Variants in NRG2 observed in about 807,000 individuals in gnomAD.
NRG2 encodes the protein pro-neuregulin-2, membrane-bound isoform.
Under a neutral mutation model 73.9 loss-of-function variants are expected in NRG2, and 27 were observed. That is an observed-to-expected ratio of 0.37 (90% CI 0.27 to 0.50). The LOEUF (loss-of-function observed/expected upper bound fraction) is 0.50. NRG2 is among the 20% of genes least tolerant of loss of function. The pLI, the probability that NRG2 is intolerant of heterozygous loss-of-function variation, is 0.96. For synonymous variants in NRG2, 532 were observed against 541.0 expected (o/e 0.98, Z 0.23); for missense variants, 1,126 against 1,210.1 (o/e 0.93, Z 1.03).
At chr5:139,862,790 G>A (rs981153033) in intron 5 of NRG2, among the ~76,000 whole-genome samples, 9 of 152,262 alleles carry the variant, frequency 5.9e-5, no homozygotes, top group Admixed American at 2.0e-4. Context: ...TTGTGCTTGT[G>A]TGTACAAGTA....
rs1164805368 is a variant in NRG2, at chr5:139,938,905, A to AAAAGAAAGAAAGAAAG, written c.701-51410_701-51395dup. ...GAAGGAAAGAAAGAAAGAAAGAAAG[A>AAAAGAAAGAAAGAAAG]AAAGAAAGAAAGAAAGAAAGAAAGA... On this transcript the variant is annotated intron_variant, in intron 1 of 9. Transcript: ENST00000361474. Among the ~76,000 whole-genome samples, 227 of 75,560 alleles carry AAAAGAAAGAAAGAAAG rather than the reference A, an allele frequency of 3.0e-3. 3 individuals are homozygous for AAAAGAAAGAAAGAAAG. The highest frequency in any genetic ancestry group is 0.02 in the East Asian group (53 of 2,676). 49.6% of individuals were successfully genotyped at this position (75,560 alleles called of 152,430 possible).
intron 1 of NRG2, among the ~76,000 whole-genome samples, chr5:140,032,245 T>A (rs142492123): frequency 2.6e-5 from 4 of 152,252 alleles, no homozygotes; most frequent in African/African-American, 9.6e-5. Flanking sequence ...AAAGCTCAGG[T>A]GGCAAGTGAA....
At chr5:139,929,759 C>A (rs1437012805) in intron 1 of NRG2, among the ~76,000 whole-genome samples, 1 of 152,178 alleles carries the variant, frequency 6.6e-6, no homozygotes, top group Non-Finnish European at 1.5e-5. Flanking sequence ...CTCGGCAGGC[C>A]CTCCAACAGT....
chr5:140,004,894 T>C (rs1412986046), intron 1 of NRG2, among the ~76,000 whole-genome samples: 1 of 152,210 alleles, frequency 6.6e-6, no homozygotes, highest in Non-Finnish European at 1.5e-5. Context: ...TTAGGGAAAT[T>C]GGGTGAGGTT....
rs1160622076 is a variant in NRG2 at position 139,904,825 on chromosome 5, G to A, written c.701-17314C>T. On this transcript the variant is annotated intron_variant, in intron 1 of 9. Coordinates refer to ENST00000361474, the MANE Select transcript of NRG2 (RefSeq NM_004883.3). This position sits in a 1 kb window ranked among gnomAD's most constrained non-coding sequence, Gnocchi z 6.0. ...GACAGCGAGGAAAGGGCCCAGGAAGGGACCAAAATGAAGCCCGCTAGCCAG... is the reference window on the plus strand; with the variant it reads ...GACAGCGAGGAAAGGGCCCAGGAAGAGACCAAAATGAAGCCCGCTAGCCAG... Among the ~76,000 whole-genome samples, 2 of 152,176 alleles carry A rather than the reference G, an allele frequency of 1.3e-5. No individual in the cohort carries two copies. The highest frequency in any genetic ancestry group is 4.8e-5 in the African/African-American group (2 of 41,456).
At chr5:139,947,548 A>C (rs967527140) in intron 1 of NRG2, among the ~76,000 whole-genome samples, 1 of 152,184 alleles carries the variant, frequency 6.6e-6, no homozygotes, top group East Asian at 1.9e-4. Context: ...ACATTTGTGT[A>C]CAAGTTTTTG....
Position 140,043,156 on chromosome 5 carries a change from G to GT in NRG2, c.-88dup, listed in dbSNP as rs1241366474. 2 of 1,470,414 alleles carry GT rather than the reference G, an allele frequency of 1.4e-6. No individual in the cohort carries two copies. The highest frequency in any genetic ancestry group is 4.9e-5 in the East Asian group (2 of 41,158). The allele number at this position is 1,470,414 out of a possible 1,614,324, so 91.1% of individuals were successfully genotyped here. ...AGCCCGCTGGAAAACCGGAAACAGC[G>GT]TAACGTTAGCGCCTCTTAGCCCTCC... On this transcript the variant is annotated 5_prime_UTR_variant, in exon 1 of 10. Transcript: ENST00000361474. The surrounding 1 kb of genome is among the most constrained non-coding windows in gnomAD (Gnocchi z 6.7).
chr5:139,896,855 C>T (rs558759671), intron 1 of NRG2, among the ~76,000 whole-genome samples: 4 of 152,300 alleles, frequency 2.6e-5, no homozygotes, highest in South Asian at 2.1e-4. Flanking sequence ...ATGTGCCTCA[C>T]GGCCATTCAG....
intron 1 of NRG2, among the ~76,000 whole-genome samples, chr5:139,966,961 G>A (rs547724589): frequency 6.6e-6 from 1 of 152,278 alleles, no homozygotes; most frequent in East Asian, 1.9e-4. Flanking sequence ...GAGGAAACAG[G>A]GGTCATGCAG....
chr5:139,904,357 T>G lies in NRG2; in HGVS notation c.701-16846A>C, dbSNP rs926183271. 1 of 1,589,674 alleles carries G rather than the reference T, an allele frequency of 6.3e-7. No individual in the cohort carries two copies. The highest frequency in any genetic ancestry group is 8.5e-7 in the Non-Finnish European group (1 of 1,176,408). On this transcript the variant is annotated intron_variant, in intron 1 of 9. Transcript: ENST00000361474. This position sits in a 1 kb window ranked among gnomAD's most constrained non-coding sequence, Gnocchi z 6.0. Reference sequence around the variant, plus strand: ...CTCCCGCTTCCTCCCCTCTGGGTGCTTCTTGCCGCGGCCGCGGCCCCTCCT... The same window carrying G: ...CTCCCGCTTCCTCCCCTCTGGGTGCGTCTTGCCGCGGCCGCGGCCCCTCCT...
rs1449909878 is a variant in NRG2 at position 140,008,579 on chromosome 5, T to TTGTGACCAAAAGAGAAAAAC, written c.700+33771_700+33790dup. ...TAGCTTGGGAGATTCTAACTTTGGC[T>TTGTGACCAAAAGAGAAAAAC]TGTGACCAAAAGAGAAAAACTAAAA... On this transcript the variant is annotated intron_variant, in intron 1 of 9. Coordinates refer to ENST00000361474, the MANE Select transcript of NRG2 (RefSeq NM_004883.3). This position sits in a 1 kb window ranked among gnomAD's most constrained non-coding sequence, Gnocchi z 4.2. 2.0e-5 allele frequency among the ~76,000 whole-genome samples: 3 copies of TTGTGACCAAAAGAGAAAAAC among 152,222 alleles called. No individual in the cohort carries two copies. Among genetic ancestry groups the TTGTGACCAAAAGAGAAAAAC allele is most frequent in the Admixed American group, 2.0e-4 (3 of 15,282 alleles).
intron 1 of NRG2, among the ~76,000 whole-genome samples, chr5:139,966,853 G>A (rs1755558192): frequency 6.6e-6 from 1 of 152,156 alleles, no homozygotes. Context: ...AGAAAAGCAA[G>A]CTCAGAGCAT....
chr5:139,866,225 T>C (rs1332653485), intron 4 of NRG2, among the ~76,000 whole-genome samples: 2 of 152,214 alleles, frequency 1.3e-5, no homozygotes, highest in Non-Finnish European at 2.9e-5. Flanking sequence ...GCCAAATCAA[T>C]GTAGGAAATA....
chr5:139,938,945 GAAAGAAAGAAAGAAA>G (rs1753128470), intron 1 of NRG2, among the ~76,000 whole-genome samples: 1 of 107,566 alleles, frequency 9.3e-6, no homozygotes, highest in East Asian at 2.6e-4. Context: ...AAGAAAGAAA[GAAAGAAAGAAAGAAA>G]AAAGAAGGAA....
At chr5:139,900,738 G>T (rs2127167416) in intron 1 of NRG2, among the ~76,000 whole-genome samples, 1 of 152,366 alleles carries the variant, frequency 6.6e-6, no homozygotes, top group Admixed American at 6.5e-5. Flanking sequence ...CCCGAGGCCA[G>T]GGCTAGGGCC....
intron 1 of NRG2, among the ~76,000 whole-genome samples, chr5:140,018,837 G>T (rs145029305): frequency 1.5e-3 from 221 of 152,114 alleles, no homozygotes; most frequent in African/African-American, 4.8e-3. Flanking sequence ...CTCCTTTCTC[G>T]GACCACAGAG....
At chr5:139,957,329 GTGTGTGTGT>G (rs1416033437) in intron 1 of NRG2, among the ~76,000 whole-genome samples, 2 of 151,846 alleles carry the variant, frequency 1.3e-5, no homozygotes, top group African/African-American at 4.8e-5. Flanking sequence ...GTGTGTGTGT[GTGTGTGTGT>G]GTGTGTGTGT....
intron 6 of NRG2, among the ~76,000 whole-genome samples, chr5:139,854,179 C>A (rs1761665908): frequency 6.6e-6 from 1 of 152,264 alleles, no homozygotes; most frequent in African/African-American, 2.4e-5. Context: ...CAGCTAGCTG[C>A]CTCCATGGTG....
intron 5 of NRG2, 50 bp from the exon 6 acceptor site, chr5:139,855,828 A>T (rs1433375506): frequency 6.9e-7 from 1 of 1,449,876 alleles, no homozygotes; most frequent in South Asian, 1.1e-5. Flanking sequence ...CAAACCCCAT[A>T]GGGATAGTGG....
Sources: allele counts gnomAD v4.1 joint callset (sites outside exome capture counted in the v4.1 genomes callset), GRCh38; gene constraint gnomAD v4.1.1; non-coding constraint Gnocchi (gnomAD v3.1); transcripts MANE v1.5; gene names NCBI Gene and HGNC (gene_info 2026-07-23, HGNC 2026-07-21).